The following CDH7 variants were observed in gnomAD, a reference collection of about 807,000 sequenced individuals.
CDH7 encodes the protein cadherin 7.
Under a neutral mutation model 71.8 loss-of-function variants are expected in CDH7, and 25 were observed. That is an observed-to-expected ratio of 0.35 (90% CI 0.25 to 0.49). CDH7 has a LOEUF of 0.49. CDH7 is among the 20% of genes least tolerant of loss of function. The probability of loss-of-function intolerance (pLI) is 0.99; values close to 1 mark genes in which losing one functional copy is unlikely to be tolerated. For missense variants in CDH7, 862 were observed against 974.6 expected (o/e 0.88, Z 1.54); for synonymous variants, 381 against 363.8 (o/e 1.05, Z -0.54).
chr18:65,824,288 T>A (rs1489755126), intron 5 of CDH7, among the ~76,000 whole-genome samples: 2 of 151,856 alleles, frequency 1.3e-5, no homozygotes, highest in African/African-American at 4.8e-5. Context: ...TACACATTAT[T>A]GTAATTATGA....
intron 4 of CDH7, among the ~76,000 whole-genome samples, chr18:65,815,562 C>G (rs1210677096): frequency 1.3e-5 from 2 of 152,062 alleles, no homozygotes; most frequent in Non-Finnish European, 2.9e-5. Flanking sequence ...GTTTTGAACA[C>G]CTTTTGAGAA....
intron 2 of CDH7, among the ~76,000 whole-genome samples, chr18:65,805,954 G>T (rs952354384): frequency 5.9e-5 from 9 of 152,064 alleles, no homozygotes; most frequent in Non-Finnish European, 1.3e-4. Context: ...CAAGTGAAAG[G>T]TTTGAAGATT....
intron 2 of CDH7, among the ~76,000 whole-genome samples, chr18:65,793,059 C>G (rs558332046): frequency 6.6e-6 from 1 of 152,082 alleles, no homozygotes. Flanking sequence ...TTATCTCTTA[C>G]AACTTGAGCA....
intron 7 of CDH7, among the ~76,000 whole-genome samples, chr18:65,847,959 G>A (rs1222448754): frequency 7.8e-6 from 1 of 128,570 alleles, no homozygotes; most frequent in African/African-American, 2.6e-5. Flanking sequence ...AGATTACTTA[G>A]AGGGAAAAAA....
rs1914290519 is a variant in CDH7, at chr18:65,883,529, C to T, written c.*2635C>T. On this transcript the variant is annotated 3_prime_UTR_variant, in exon 12 of 12. Coordinates refer to ENST00000397968, the MANE Select transcript of CDH7 (RefSeq NM_004361.5). ...TAAATAAATATATATTATCAAGTTG[C>T]TTAAATTCAGTATTATACTGAAACC... is the stretch of plus-strand genomic sequence containing the variant. 6.6e-6 allele frequency: 1 copy of T among 151,882 alleles called. No homozygotes were observed. The highest frequency in any genetic ancestry group is 1.5e-5 in the Non-Finnish European group (1 of 67,908). 9.4% of individuals were successfully genotyped at this position (151,882 alleles called of 1,614,324 possible).
At chr18:65,795,582 G>A (rs1180267860) in intron 2 of CDH7, among the ~76,000 whole-genome samples, 1 of 152,088 alleles carries the variant, frequency 6.6e-6, no homozygotes, top group East Asian at 1.9e-4. Context: ...GAAATGAAGA[G>A]CAAATGAACA....
intron 2 of CDH7, among the ~76,000 whole-genome samples, chr18:65,769,509 C>T (rs8098137): frequency 0.017 from 2,570 of 152,238 alleles, 61 homozygotes; most frequent in African/African-American, 0.058. Context: ...TAATATCTTA[C>T]GTGACTACAG....
Position 65,880,808 on chromosome 18 carries a change from A to G in CDH7, c.2272A>G (p.Asn758Asp). Residue 758 changes from asparagine to aspartate, a missense_variant, in exon 12 of 12, where the codon AAC becomes GAC. Asn to Asp is a conservative substitution (Grantham distance 23, BLOSUM62 1). Coordinates refer to ENST00000397968, the MANE Select transcript of CDH7 (RefSeq NM_004361.5). ...LDSISSNSDQ[N>D]YDYLSDWGPR... Reference sequence around the variant, plus strand: ...TTCCATCAGCTCAAACTCTGATCAGAACTATGACTACCTAAGTGACTGGGG... The same window carrying G: ...TTCCATCAGCTCAAACTCTGATCAGGACTATGACTACCTAAGTGACTGGGG... 8 of 1,614,132 alleles carry G rather than the reference A, an allele frequency of 5.0e-6. No individual in the cohort carries two copies. The highest frequency in any genetic ancestry group is 6.8e-6 in the Non-Finnish European group (8 of 1,180,010).
Position 65,887,115 on chromosome 18 carries a change from T to A in CDH7, c.*6221T>A, listed in dbSNP as rs1287141353. On this transcript the variant is annotated 3_prime_UTR_variant, in exon 12 of 12. Transcript: ENST00000397968. ...TTATTAATGAATATAATGATGTTAA[T>A]GGTTTATATAAGCAGGAAAAACTTA... 2.6e-5 allele frequency: 4 copies of A among 152,136 alleles called. No individual in the cohort carries two copies. The highest frequency in any genetic ancestry group is 9.7e-5 in the African/African-American group (4 of 41,442). The allele number at this position is 152,136 out of a possible 1,614,324, so 9.4% of individuals were successfully genotyped here.
At chr18:65,841,551 G>T (rs1912733630) in intron 6 of CDH7, among the ~76,000 whole-genome samples, 1 of 152,090 alleles carries the variant, frequency 6.6e-6, no homozygotes, top group Non-Finnish European at 1.5e-5. Flanking sequence ...AAGAATATAA[G>T]AACAAACTGA....
intron 2 of CDH7, among the ~76,000 whole-genome samples, chr18:65,766,455 G>A (rs1916370299): frequency 6.6e-6 from 1 of 152,050 alleles, no homozygotes; most frequent in African/African-American, 2.4e-5. Flanking sequence ...GGGACCAGGA[G>A]TGCTTCTAGA....
intron 2 of CDH7, among the ~76,000 whole-genome samples, chr18:65,802,636 G>A (rs184226523): frequency 7.9e-5 from 12 of 152,210 alleles, no homozygotes; most frequent in Admixed American, 6.5e-4. Context: ...CCTATCCGGC[G>A]AGCCCTCAAG....
chr18:65,832,832 TTCCTC>T (rs1202097364), intron 6 of CDH7, among the ~76,000 whole-genome samples: 4 of 152,248 alleles, frequency 2.6e-5, no homozygotes, highest in South Asian at 4.1e-4. Context: ...ATGGAAGTCT[TTCCTC>T]TAATGTACCT....
At chr18:65,846,579 G>A (rs1049073958) in intron 7 of CDH7, among the ~76,000 whole-genome samples, 2 of 151,886 alleles carry the variant, frequency 1.3e-5, no homozygotes, top group African/African-American at 4.8e-5. Context: ...TTTTTATTCT[G>A]CATTTGTCTC....
intron 2 of CDH7, among the ~76,000 whole-genome samples, chr18:65,800,977 AC>A (rs1429336147): frequency 6.6e-6 from 1 of 150,686 alleles, no homozygotes; most frequent in East Asian, 1.9e-4. Context: ...ACTTCCCTGA[AC>A]CCCGGGCTCA....
intron 11 of CDH7, among the ~76,000 whole-genome samples, chr18:65,874,253 C>A (rs1473867015): frequency 6.6e-6 from 1 of 152,002 alleles, no homozygotes; most frequent in African/African-American, 2.4e-5. Context: ...ATAAATTTAT[C>A]CAATTTGGTT....
intron 2 of CDH7, among the ~76,000 whole-genome samples, chr18:65,804,109 T>TATA (rs1568194112): frequency 6.6e-6 from 1 of 152,186 alleles, no homozygotes; most frequent in African/African-American, 2.4e-5. Context: ...CAATACATAT[T>TATA]ATCTCTTTCA....
At chr18:65,780,381 C>T (rs1446063616) in intron 2 of CDH7, among the ~76,000 whole-genome samples, 15 of 124,838 alleles carry the variant, frequency 1.2e-4, no homozygotes, top group South Asian at 3.0e-4. Context: ...TCCTTGCCCA[C>T]GCCTATGTCC....
chr18:65,782,174 C>CTTTCTTTT (rs1568182783), intron 2 of CDH7, among the ~76,000 whole-genome samples: 1 of 108,220 alleles, frequency 9.2e-6, no homozygotes. Flanking sequence ...TCCTTTCTTT[C>CTTTCTTTT]TTTCTTTCTT....
Sources: allele counts gnomAD v4.1 joint callset (sites outside exome capture counted in the v4.1 genomes callset), GRCh38; gene constraint gnomAD v4.1.1; transcripts MANE v1.5; gene names NCBI Gene and HGNC (gene_info 2026-07-23, HGNC 2026-07-21).